Variants in PNPLA1 observed in about 807,000 individuals in gnomAD.
PNPLA1 encodes patatin like domain 1, omega-hydroxyceramide transacylase.
In PNPLA1, 36 loss-of-function variants were observed where a neutral mutation model predicts 51.7. The ratio of observed to expected loss-of-function variants is 0.70; its 90% CI spans 0.53 to 0.92. PNPLA1 has a LOEUF of 0.92. Among genes scored for constraint, PNPLA1 ranks in the 40% least tolerant of loss-of-function variants. PNPLA1 has a pLI of 0.00. For missense variants in PNPLA1, 658 were observed against 682.5 expected, an observed-to-expected ratio of 0.96 and a Z score of 0.40; for synonymous variants, 293 against 280.1, an observed-to-expected ratio of 1.05 and a Z score of -0.46.
chr6:36,290,027 C>T (rs1269296192), intron 1 of PNPLA1, among the ~76,000 whole-genome samples: 1 of 152,132 alleles, frequency 6.6e-6, no homozygotes, highest in Non-Finnish European at 1.5e-5. Flanking sequence ...CCCAGAATCT[C>T]AAAGTTGGAA....
chr6:36,264,003 T>C (rs1186552333), intron 1 of PNPLA1, among the ~76,000 whole-genome samples: 1 of 152,106 alleles, frequency 6.6e-6, no homozygotes, highest in Non-Finnish European at 1.5e-5. Context: ...CCGTAAAGGC[T>C]CTGGGCTGTG....
At position 36,294,264 on chromosome 6, in the gene PNPLA1, C is replaced by T; in HGVS notation, c.579C>T (p.Phe193=). 6.2e-7 allele frequency: 1 copy of T among 1,614,242 alleles called. No individual in the cohort carries two copies. Among genetic ancestry groups the T allele is most frequent in the Non-Finnish European group, 8.5e-7 (1 of 1,180,036 alleles). Residue 193 remains phenylalanine (F), a synonymous_variant, in exon 4 of 9, where the codon TTC becomes TTT. Coordinates refer to ENST00000636260, the MANE Select transcript of PNPLA1 (RefSeq NM_001374623.1). The surrounding 1 kb of genome is among the most constrained non-coding windows in gnomAD (Gnocchi z 4.2). The stretch of plus-strand genomic sequence containing the variant: ...CCGACGCCATCACCATCTCCACCTT[C>T]AGTGGGCAGCAGGACATCTGTCCCC... ...FWTDAITIST[F]SGQQDICPRD... is the part of the protein sequence containing the mutation.
chr6:36,277,934 C>G (rs549345802), intron 1 of PNPLA1, among the ~76,000 whole-genome samples: 2 of 152,228 alleles, frequency 1.3e-5, no homozygotes, highest in African/African-American at 4.8e-5. Context: ...TCTGGCCCAC[C>G]AGCAGCTGCC....
intron 2 of PNPLA1, among the ~76,000 whole-genome samples, chr6:36,292,215 C>T (rs1436758543): frequency 6.6e-6 from 1 of 152,098 alleles, no homozygotes; most frequent in Non-Finnish European, 1.5e-5. Flanking sequence ...TTCGCCACTC[C>T]ATCCTCATCC....
At chr6:36,302,581 G>A (rs917790433) in intron 6 of PNPLA1, 112 bp downstream of exon 6, 4 of 1,383,504 alleles carry the variant, frequency 2.9e-6, no homozygotes, top group Non-Finnish European at 3.9e-6. Context: ...GCTGAAGTTA[G>A]CAGTGAGCTT....
At chr6:36,267,192 G>A (rs1769780029), upstream of PNPLA1, among the ~76,000 whole-genome samples, 1 of 152,218 alleles carries the variant, frequency 6.6e-6, no homozygotes, top group Admixed American at 6.5e-5. Context: ...ATACAGAGAT[G>A]CTGGAAAGTG....
In PNPLA1 at chr6:36,291,460, A is replaced by G; in HGVS notation, c.346A>G (p.Thr116Ala). 3 of 1,614,050 alleles carry G rather than the reference A, an allele frequency of 1.9e-6. No homozygotes were observed. The highest frequency in any genetic ancestry group is 2.5e-6 in the Non-Finnish European group (3 of 1,180,008). Residue 116 changes from threonine (T) to alanine (A), a missense_variant, in exon 2 of 9, where the codon ACC becomes GCC. Thr to Ala is a moderately conservative substitution (Grantham distance 58). Transcript: ENST00000636260. ...RVLPEDSYKVTTGKLHVSLTR... is the reference protein window; with the variant it reads ...RVLPEDSYKVATGKLHVSLTR... Reference sequence around the variant, plus strand: ...CCTGCCCGAGGACTCCTACAAGGTCACCACGGGGAAGCTCCATGTGAGCCT... The same window carrying G: ...CCTGCCCGAGGACTCCTACAAGGTCGCCACGGGGAAGCTCCATGTGAGCCT...
chr6:36,285,985 C>T (rs1770476149), intron 1 of PNPLA1, among the ~76,000 whole-genome samples: 2 of 152,260 alleles, frequency 1.3e-5, no homozygotes, highest in African/African-American at 4.8e-5. Flanking sequence ...CTGACCACAC[C>T]TTGATAAGGA....
chr6:36,301,938 C>T lies in PNPLA1; in HGVS notation c.853C>T (p.Leu285Phe). The change falls in exon 6 of 9, where the codon CTT becomes TTT. Residue 285 changes from leucine (L) to phenylalanine (F), a missense_variant. Leu to Phe is a conservative substitution (Grantham distance 22). Transcript: ENST00000636260. ...VEVYCQIELA[L>F]GNECPERSQP... ...AGTGTACTGCCAGATAGAACTCGCC[C>T]TTGGCAATGAGTGCCCTGAACGCAG... 2 of 1,614,188 alleles carry T rather than the reference C, an allele frequency of 1.2e-6. No individual in the cohort carries two copies. Among genetic ancestry groups the T allele is most frequent in the Non-Finnish European group, 1.7e-6 (2 of 1,180,036 alleles).
At chr6:36,259,045 T>G (rs532192316) in intron 1 of PNPLA1, among the ~76,000 whole-genome samples, 1 of 152,322 alleles carries the variant, frequency 6.6e-6, no homozygotes, top group South Asian at 2.1e-4. Context: ...GGTTCTGGGT[T>G]GTATCACCAT....
At chr6:36,265,217 T>G (rs1769735946), upstream of PNPLA1, among the ~76,000 whole-genome samples, 2 of 152,160 alleles carry the variant, frequency 1.3e-5, no homozygotes, top group Admixed American at 1.3e-4. Flanking sequence ...GGCACATACC[T>G]GTAATCCCAG....
intron 1 of PNPLA1, among the ~76,000 whole-genome samples, chr6:36,261,806 G>C (rs1392373784): frequency 1.3e-5 from 2 of 152,176 alleles, no homozygotes; most frequent in Non-Finnish European, 1.5e-5. Context: ...GCTGTGTCTT[G>C]AACTAAGACA....
upstream of PNPLA1, among the ~76,000 whole-genome samples, chr6:36,270,025 G>A (rs1769861314): frequency 6.6e-6 from 1 of 152,258 alleles, no homozygotes; most frequent in Non-Finnish European, 1.5e-5. Flanking sequence ...GCAACTGAAT[G>A]TTGCAGCTGA....
At chr6:36,304,118 G>T (rs1477385327) in intron 6 of PNPLA1, among the ~76,000 whole-genome samples, 3 of 152,140 alleles carry the variant, frequency 2.0e-5, no homozygotes, top group African/African-American at 7.2e-5. Context: ...GAGGACTTGT[G>T]TGTGGCCACC....
intron 1 of PNPLA1, among the ~76,000 whole-genome samples, chr6:36,244,698 C>T (rs1333277818): frequency 3.3e-5 from 5 of 152,232 alleles, no homozygotes; most frequent in African/African-American, 7.2e-5. Context: ...CTCAAATCTG[C>T]TCACAGACTT....
At position 36,293,657 on chromosome 6, in the gene PNPLA1, GC is replaced by G. The variant is rs151187892; in HGVS notation, c.505-528del. On this transcript the variant is annotated intron_variant, in intron 3 of 8. Transcript: ENST00000636260. ...TCTGAGTGGTGATGGTCTAGCTCAT[GC>G]CCCCTCCTCATTTTATATGCAGAGA... 3.7e-3 allele frequency among the ~76,000 whole-genome samples: 568 copies of G among 152,326 alleles called. 11 individuals carry two copies. The East Asian group carries it at 0.049, about 13-fold the overall frequency.
chr6:36,299,738 C>T (rs1770973351), intron 5 of PNPLA1, among the ~76,000 whole-genome samples: 1 of 152,234 alleles, frequency 6.6e-6, no homozygotes, highest in South Asian at 2.1e-4. Flanking sequence ...CCTCTAATGA[C>T]TAATGACTTT....
rs577965669 is a variant in PNPLA1 at position 36,252,317 on chromosome 6, C to G, written c.-81+9056C>G. On this transcript the variant is annotated intron_variant, in intron 1 of 7. Coordinates refer to the PNPLA1 transcript ENST00000312917. Reference sequence around the variant, plus strand: ...AAAACTAGTCTTGTCATGTAATCCACTGCACATTGAGTTTTCTGTAACTTG... The same window carrying G: ...AAAACTAGTCTTGTCATGTAATCCAGTGCACATTGAGTTTTCTGTAACTTG... Among the ~76,000 whole-genome samples the G allele has an allele frequency of 3.3e-5, 5 of 152,316 alleles. No homozygotes were observed. The South Asian group carries it at 1.0e-3, about 32-fold the overall frequency.
At chr6:36,268,774 C>T (rs1001789843), upstream of PNPLA1, among the ~76,000 whole-genome samples, 2 of 152,204 alleles carry the variant, frequency 1.3e-5, no homozygotes, top group Non-Finnish European at 2.9e-5. Flanking sequence ...GGGGATGGAG[C>T]TTCTGTGTGC....
Sources: gnomAD v4.1 joint callset for allele counts (sites outside exome capture counted in the v4.1 genomes callset) on GRCh38, gnomAD v4.1.1 for gene constraint, Gnocchi (gnomAD v3.1) non-coding constraint, MANE v1.5 for transcripts, NCBI Gene and HGNC (gene_info 2026-07-23, HGNC 2026-07-21) for gene names.